The following PRDM10 variants were observed in gnomAD, a reference collection of about 807,000 sequenced individuals.
The protein encoded by PRDM10 is PR domain zinc finger protein 10.
PRDM10 carries 65 observed loss-of-function variants against 133.1 expected under a neutral mutation model. The ratio of observed to expected loss-of-function variants is 0.49; its 90% CI spans 0.40 to 0.60. PRDM10 has a LOEUF of 0.60. PRDM10 is among the 20% of genes least tolerant of loss of function. The pLI is 0.00. For missense variants in PRDM10, 1,137 were observed against 1,507.1 expected (o/e 0.75, Z 4.07); for synonymous variants, 582 against 580.4 (o/e 1.00, Z -0.04).
rs1432699558 is a variant in PRDM10, at chr11:129,918,502, G to A, written c.2214+37C>T. On this transcript the variant is annotated intron_variant, in intron 14 of 20. Transcript: ENST00000360871. The surrounding 1 kb of genome is among the most constrained non-coding windows in gnomAD (Gnocchi z 5.3). ...ATCATCGACAGCAATGAGGTATGCT[G>A]GGAAGACAGAGGAACCCGCAGCCAC... The A allele has an allele frequency of 1.2e-6, 2 of 1,601,234 alleles. No homozygotes were observed. Among genetic ancestry groups the A allele is most frequent in the East Asian group, 2.2e-5 (1 of 44,696 alleles).
intron 19 of PRDM10, among the ~76,000 whole-genome samples, chr11:129,907,910 G>C (rs1950064851): frequency 6.6e-6 from 1 of 151,200 alleles, no homozygotes; most frequent in African/African-American, 2.4e-5. Context: ...GGGCAACACA[G>C]CGAGATCTCA....
rs1951473494 is a variant in PRDM10 at position 129,947,954 on chromosome 11, T to G, written c.295-584A>C. 2.3e-6 allele frequency: 1 copy of G among 442,734 alleles called. No individual in the cohort carries two copies. The highest frequency in any genetic ancestry group is 2.5e-5 in the Admixed American group (1 of 40,790). 27.4% of individuals were successfully genotyped at this position (442,734 alleles called of 1,614,324 possible). On this transcript the variant is annotated intron_variant, in intron 4 of 20. Transcript: ENST00000360871. This position sits in a 1 kb window ranked among gnomAD's most constrained non-coding sequence, Gnocchi z 4.6. The stretch of plus-strand genomic sequence containing the variant: ...ATGAGTTGACCTATCCTCAACCACT[T>G]GTCTTTTAAAACTAAACACGTCGTG...
intron 1 of PRDM10, among the ~76,000 whole-genome samples, chr11:129,981,036 TA>T (rs576841225): frequency 1.2e-4 from 19 of 152,028 alleles, no homozygotes; most frequent in Non-Finnish European, 2.6e-4. Context: ...TAGGCCCAGC[TA>T]ATTTTGTATT....
At chr11:129,973,487 T>G (rs1288109957) in intron 1 of PRDM10, among the ~76,000 whole-genome samples, 1 of 152,236 alleles carries the variant, frequency 6.6e-6, no homozygotes. Context: ...TTTGATGACA[T>G]TTTGAATGTA....
chr11:129,915,141 C>G (rs1950316534), intron 16 of PRDM10, 123 bp from the exon 17 acceptor site: 2 of 953,378 alleles, frequency 2.1e-6, no homozygotes, highest in East Asian at 2.6e-5. Flanking sequence ...AAAATCAGAG[C>G]AACACTGACT....
chr11:129,984,564 G>A (rs1317748752), intron 1 of PRDM10, among the ~76,000 whole-genome samples: 2 of 151,924 alleles, frequency 1.3e-5, no homozygotes, highest in Non-Finnish European at 2.9e-5. Context: ...TCCCTGAGAC[G>A]GCACATTCTA....
In PRDM10 at chr11:129,912,132, G is replaced by A. The variant is rs1261065697; in HGVS notation, c.2935C>T (p.His979Tyr). Residue 979 changes from histidine to tyrosine, a missense_variant, in exon 18 of 21, where the codon CAC (histidine) becomes TAC (tyrosine). His to Tyr is a moderately conservative substitution (Grantham distance 83, BLOSUM62 2). Around this residue, in one of 6 missense-constraint regions of PRDM10, gnomAD observed 243 missense variants for 259.2 expected, o/e 0.94. Coordinates refer to ENST00000360871, the MANE Select transcript of PRDM10 (RefSeq NM_199437.2). ...PYPQHAIQVQ[H>Y]IQVSEPTASA... is the part of the protein sequence containing the mutation. ...GCGGTAGGCTCGCTGACCTGGATGT[G>A]CTGCACCTGGATGGCGTGCTGGGGG... 1 of 1,613,220 alleles carries A rather than the reference G, an allele frequency of 6.2e-7. No individual in the cohort carries two copies. The highest frequency in any genetic ancestry group is 8.5e-7 in the Non-Finnish European group (1 of 1,179,662).
intron 1 of PRDM10, among the ~76,000 whole-genome samples, chr11:129,985,974 T>A (rs953676626): frequency 9.9e-5 from 15 of 151,746 alleles, no homozygotes; most frequent in African/African-American, 3.6e-4. Flanking sequence ...GCAAGATTAG[T>A]CCCAGTGCTT....
At chr11:129,990,565 GT>G (rs1938682003) in intron 1 of PRDM10, among the ~76,000 whole-genome samples, 1 of 149,456 alleles carries the variant, frequency 6.7e-6, no homozygotes, top group African/African-American at 2.5e-5. Context: ...TACCATACTG[GT>G]TTGAAGTAAT....
In PRDM10 at chr11:129,915,650, C is replaced by T. The variant is rs1950334322; in HGVS notation, c.2526+10G>A. 2 of 1,557,206 alleles carry T rather than the reference C, an allele frequency of 1.3e-6. No homozygotes were observed. Among genetic ancestry groups the T allele is most frequent in the East Asian group, 4.6e-5 (2 of 43,946 alleles). On this transcript the variant is annotated intron_variant, in intron 16 of 20. Coordinates refer to ENST00000360871, the MANE Select transcript of PRDM10 (RefSeq NM_199437.2). ...TTTTGACCTTAGCTTTAGTCAGAAA[C>T]TCCCCCTACCTTGCTGCTGTACTGC...
chr11:129,963,507 G>A (rs759618758), intron 1 of PRDM10, among the ~76,000 whole-genome samples: 2 of 151,948 alleles, frequency 1.3e-5, no homozygotes, highest in Non-Finnish European at 2.9e-5. Context: ...TGTTTATTTT[G>A]AAATAACTTC....
rs1196836794 is a variant in PRDM10 at position 129,902,320 on chromosome 11, T to G, written c.3464A>C (p.Lys1155Thr). ...CAAGCTCCAGGGTGGAAGTCATGGT[T>G]TGGTGATATGCACTTCGCTGCTTCC... ...GNGSSEVHIT[K>T]P The change falls in exon 21 of 21, where the codon AAA becomes ACA. Residue 1155 changes from lysine (K) to threonine (T), a missense_variant. Transcript: ENST00000360871. 6.2e-7 allele frequency: 1 copy of G among 1,613,894 alleles called. No individual in the cohort carries two copies.
rs1951379065 is a variant in PRDM10 at position 129,945,565 on chromosome 11, G to A, written c.521-553C>T. Among the ~76,000 whole-genome samples the A allele has an allele frequency of 6.6e-6, 1 of 152,114 alleles. No individual in the cohort carries two copies. The highest frequency in any genetic ancestry group is 2.1e-4 in the South Asian group (1 of 4,820). On this transcript the variant is annotated intron_variant, in intron 5 of 20. Coordinates refer to ENST00000360871, the MANE Select transcript of PRDM10 (RefSeq NM_199437.2). This position sits in a 1 kb window ranked among gnomAD's most constrained non-coding sequence, Gnocchi z 4.2. ...AGTGCATACTGTCTGATTAGATAAT[G>A]CTAAAATGAACAAATTTAGAATCCC... is the stretch of plus-strand genomic sequence containing the variant.
rs1939106515 is a variant in PRDM10 at position 129,997,128 on chromosome 11, A to G, written c.-119+5594T>C. On this transcript the variant is annotated intron_variant, in intron 1 of 20. Coordinates refer to ENST00000360871, the MANE Select transcript of PRDM10 (RefSeq NM_199437.2). ...AAAACTGTCAACGGTGCAAACGTGG[A>G]AGTAAAAAAATATGGATTTTACGTG... Among the ~76,000 whole-genome samples, 5 of 152,242 alleles carry G rather than the reference A, an allele frequency of 3.3e-5. No individual in the cohort carries two copies. In the South Asian group the frequency reaches 1.0e-3, roughly 31 times the overall value.
At chr11:130,002,667 A>G (rs976223125) in intron 1 of PRDM10, 55 bp downstream of exon 1, 2 of 153,600 alleles carry the variant, frequency 1.3e-5, no homozygotes, top group African/African-American at 2.4e-5. Context: ...CTCCCAGTCT[A>G]TGGGGTAGTC....
At position 129,917,254 on chromosome 11, in the gene PRDM10, G is replaced by C; in HGVS notation, c.2215-17C>G. ...GTGATTTACCTAAAGGGAAAAGAAA[G>C]AACCAATGAGAAAAAGAGACCCCAT... On this transcript the variant is annotated splice_polypyrimidine_tract_variant and intron_variant, in intron 14 of 20. Coordinates refer to ENST00000360871, the MANE Select transcript of PRDM10 (RefSeq NM_199437.2). 6.4e-7 allele frequency: 1 copy of C among 1,572,858 alleles called. No individual in the cohort carries two copies. The highest frequency in any genetic ancestry group is 1.4e-5 in the African/African-American group (1 of 73,646).
intron 1 of PRDM10, among the ~76,000 whole-genome samples, chr11:129,971,572 T>C (rs1490848199): frequency 6.6e-6 from 1 of 151,440 alleles, no homozygotes; most frequent in Non-Finnish European, 1.5e-5. Context: ...AGAGTGCCCA[T>C]AGGTGTATTT....
At chr11:129,946,588 G>C (rs571960522) in intron 5 of PRDM10, among the ~76,000 whole-genome samples, 8 of 152,304 alleles carry the variant, frequency 5.3e-5, no homozygotes, top group Admixed American at 5.2e-4. Flanking sequence ...CAAGGGCGCT[G>C]CCGAGGGGCC....
chr11:129,987,724 G>A (rs1938507075), intron 1 of PRDM10, among the ~76,000 whole-genome samples: 1 of 152,216 alleles, frequency 6.6e-6, no homozygotes, highest in African/African-American at 2.4e-5. Flanking sequence ...GAAGACGCCG[G>A]GTGTGGTGGC....
Sources: gnomAD v4.1 joint callset for allele counts (sites outside exome capture counted in the v4.1 genomes callset) on GRCh38, gnomAD v4.1.1 for gene constraint, gnomAD v4.1.1 regional missense constraint, Gnocchi (gnomAD v3.1) non-coding constraint, MANE v1.5 for transcripts, NCBI Gene and HGNC (gene_info 2026-07-23, HGNC 2026-07-21) for gene names.